The following PACRG variants were observed in gnomAD, a reference collection of about 807,000 sequenced individuals.
PACRG encodes parkin coregulated.
In PACRG, 29 loss-of-function variants were observed where a neutral mutation model predicts 29.7. The ratio of observed to expected loss-of-function variants is 0.98; its 90% CI spans 0.73 to 1.33. PACRG has a LOEUF of 1.33. Among genes scored for constraint, PACRG ranks in the 40% most tolerant of loss-of-function variants. The pLI is 0.00. For synonymous variants in PACRG, 116 were observed against 118.7 expected (o/e 0.98, Z 0.15); for missense variants, 279 against 316.2 (o/e 0.88, Z 0.89).
At chr6:162,970,927 A>G (rs1396460854) in intron 2 of PACRG, among the ~76,000 whole-genome samples, 1 of 152,244 alleles carries the variant, frequency 6.6e-6, no homozygotes, top group African/African-American at 2.4e-5. Context: ...TTCAGTGGCC[A>G]TGGGTTGTGT....
At chr6:163,001,269 A>G (rs561148563) in intron 2 of PACRG, among the ~76,000 whole-genome samples, 4 of 152,366 alleles carry the variant, frequency 2.6e-5, no homozygotes, top group Admixed American at 1.3e-4. Flanking sequence ...AGAATAGCAG[A>G]CACCACAATT....
At chr6:162,876,224 T>C (rs949975027) in intron 2 of PACRG, among the ~76,000 whole-genome samples, 1 of 152,186 alleles carries the variant, frequency 6.6e-6, no homozygotes, top group East Asian at 1.9e-4. Context: ...AGGGAGACTT[T>C]ACACTACTGT....
chr6:163,178,346 A>G (rs1410150434), intron 4 of PACRG, among the ~76,000 whole-genome samples: 1 of 152,160 alleles, frequency 6.6e-6, no homozygotes, highest in Non-Finnish European at 1.5e-5. Context: ...TCAGAGGGAC[A>G]AGGGGAAGTG....
At chr6:162,814,993 G>T (rs182712841) in intron 2 of PACRG, among the ~76,000 whole-genome samples, 6 of 152,196 alleles carry the variant, frequency 3.9e-5, no homozygotes, top group Admixed American at 3.9e-4. Flanking sequence ...ACCGGAGAAG[G>T]CTTTTACATT....
chr6:162,797,605 C>T (rs1009990976), intron 1 of PACRG, among the ~76,000 whole-genome samples: 2 of 152,118 alleles, frequency 1.3e-5, no homozygotes, highest in African/African-American at 2.4e-5. Context: ...AAATAAGTAG[C>T]TCTTGTATTT....
At chr6:163,272,419 T>G (rs923701086) in intron 4 of PACRG, among the ~76,000 whole-genome samples, 1 of 152,220 alleles carries the variant, frequency 6.6e-6, no homozygotes, top group African/African-American at 2.4e-5. Flanking sequence ...GTGTAAATTT[T>G]AGAAAATTTA....
At chr6:162,765,910 T>G (rs1289066346) in intron 1 of PACRG, among the ~76,000 whole-genome samples, 1 of 152,192 alleles carries the variant, frequency 6.6e-6, no homozygotes, top group African/African-American at 2.4e-5. Context: ...TTTCTTCTTT[T>G]TTCTTTTTTA....
At chr6:163,092,843 A>G (rs1291783771) in intron 4 of PACRG, among the ~76,000 whole-genome samples, 2 of 152,198 alleles carry the variant, frequency 1.3e-5, no homozygotes, top group Non-Finnish European at 2.9e-5. Context: ...ATAGAAGAAT[A>G]TCATGCTCTA....
chr6:163,168,143 A>G (rs1778902368), intron 4 of PACRG, among the ~76,000 whole-genome samples: 1 of 152,236 alleles, frequency 6.6e-6, no homozygotes, highest in Non-Finnish European at 1.5e-5. Flanking sequence ...TGCCTAAAGT[A>G]TCCTGTAGGA....
At chr6:163,024,312 A>G (rs567462015) in intron 2 of PACRG, among the ~76,000 whole-genome samples, 2 of 152,274 alleles carry the variant, frequency 1.3e-5, no homozygotes, top group East Asian at 1.9e-4. Flanking sequence ...TTATCCCAGC[A>G]TTATTTATTG....
rs568245998 is a variant in PACRG, at chr6:162,831,475, T to C, written c.291+17194T>C. ...ATTTCTTGGCATTAGTGAAACTTGATACATTTATTTTGTTTCTTTGATTAA... is the reference window on the plus strand; with the variant it reads ...ATTTCTTGGCATTAGTGAAACTTGACACATTTATTTTGTTTCTTTGATTAA... On this transcript the variant is annotated intron_variant, in intron 2 of 4. Coordinates refer to ENST00000366888, the MANE Select transcript of PACRG (RefSeq NM_001080379.2). Among the ~76,000 whole-genome samples the C allele has an allele frequency of 6.6e-5, 10 of 152,314 alleles. No homozygotes were observed. The East Asian group carries it at 1.4e-3, about 21-fold the overall frequency.
At chr6:162,750,985 A>C (rs1781469296) in intron 1 of PACRG, among the ~76,000 whole-genome samples, 1 of 152,130 alleles carries the variant, frequency 6.6e-6, no homozygotes, top group South Asian at 2.1e-4. Context: ...GGTACTATTC[A>C]TGTTTGTCTA....
chr6:163,187,390 C>G (rs1003762480), intron 4 of PACRG, among the ~76,000 whole-genome samples: 4 of 152,124 alleles, frequency 2.6e-5, no homozygotes, highest in African/African-American at 4.8e-5. Flanking sequence ...CGCCGCCCGC[C>G]TTTCCAGTGG....
At chr6:162,927,155 G>C (rs545693148) in intron 2 of PACRG, among the ~76,000 whole-genome samples, 1 of 152,204 alleles carries the variant, frequency 6.6e-6, no homozygotes, top group South Asian at 2.1e-4. Context: ...GGAAACAACA[G>C]ATGCTGGCGA....
intron 2 of PACRG, among the ~76,000 whole-genome samples, chr6:162,984,476 C>A (rs1190519752): frequency 6.6e-6 from 1 of 152,000 alleles, no homozygotes; most frequent in Non-Finnish European, 1.5e-5. Flanking sequence ...GTGCTGCTGT[C>A]AACATGCATG....
At chr6:162,804,942 T>G (rs1397927399) in intron 1 of PACRG, among the ~76,000 whole-genome samples, 1 of 152,222 alleles carries the variant, frequency 6.6e-6, no homozygotes, top group Non-Finnish European at 1.5e-5. Context: ...TATTGCCTAC[T>G]ACACACCTAG....
At chr6:163,168,893 C>T (rs1358770612) in intron 4 of PACRG, among the ~76,000 whole-genome samples, 2 of 152,166 alleles carry the variant, frequency 1.3e-5, no homozygotes, top group African/African-American at 4.8e-5. Context: ...GATCAACTTT[C>T]AGTCTGAAAG....
intron 2 of PACRG, among the ~76,000 whole-genome samples, chr6:162,995,515 C>A (rs181122426): frequency 6.6e-6 from 1 of 152,292 alleles, no homozygotes; most frequent in African/African-American, 2.4e-5. Context: ...CAGGTGCGTC[C>A]GTCACCCCTT....
intron 4 of PACRG, among the ~76,000 whole-genome samples, chr6:163,178,036 C>G (rs1257286910): frequency 1.3e-5 from 2 of 152,100 alleles, no homozygotes; most frequent in African/African-American, 4.8e-5. Flanking sequence ...AAGGAGTGTT[C>G]CCACTACCAA....
Sources: allele counts gnomAD v4.1 joint callset (sites outside exome capture counted in the v4.1 genomes callset), GRCh38; gene constraint gnomAD v4.1.1; transcripts MANE v1.5; gene names NCBI Gene and HGNC (gene_info 2026-07-23, HGNC 2026-07-21).